The following NRAP variants were observed in gnomAD, a reference collection of about 807,000 sequenced individuals.
NRAP encodes the protein nebulin related anchoring protein.
Under a neutral mutation model 225.9 loss-of-function variants are expected in NRAP, and 189 were observed. The ratio of observed to expected loss-of-function variants is 0.84; its 90% CI spans 0.74 to 0.94. NRAP has a LOEUF of 0.94. Among genes scored for constraint, NRAP ranks in the 40% least tolerant of loss-of-function variants. NRAP has a pLI of 0.00. For missense variants in NRAP, 2,176 were observed against 2,168.7 expected (o/e 1.00, Z -0.07); for synonymous variants, 769 against 790.7 (o/e 0.97, Z 0.46).
At chr10:113,610,359 A>G in intron 31 of NRAP, 100 bp downstream of exon 31, 1 of 614,248 alleles carries the variant, frequency 1.6e-6, no homozygotes, top group Non-Finnish European at 2.8e-6. Flanking sequence ...CAAATTAAAA[A>G]AAAAAAAAAA....
At position 113,604,908 on chromosome 10, in the gene NRAP, G is replaced by A. The variant is rs759155879; in HGVS notation, c.3928C>T (p.His1310Tyr). 4 of 1,611,560 alleles carry A rather than the reference G, an allele frequency of 2.5e-6. No homozygotes were observed. The highest frequency in any genetic ancestry group is 2.5e-6 in the Non-Finnish European group (3 of 1,178,088). ...TTCCCTCGCTCCTTCACAAAGTCAT[G>A]TCTGTAGAGAAACTGCAAGAAAGGG... ...GDIASDFLYR[H>Y]DFVKERGKLI... Residue 1310 changes from histidine to tyrosine, a missense_variant, in exon 35 of 42, where the codon CAT becomes TAT. Around this residue, in one of 3 missense-constraint regions of NRAP, gnomAD observed 1,708 missense variants for 1,695.5 expected, o/e 1.01. Transcript: ENST00000359988.
At chr10:113,625,622 T>C (rs1848242479) in intron 21 of NRAP, among the ~76,000 whole-genome samples, 1 of 152,184 alleles carries the variant, frequency 6.6e-6, no homozygotes, top group Non-Finnish European at 1.5e-5. Flanking sequence ...GTAAATAATG[T>C]GTGTGGTGCT....
rs754141436 is a variant in NRAP at position 113,646,920 on chromosome 10, T to TA, written c.993+2dup. The TA allele has an allele frequency of 1.2e-6, 2 of 1,604,978 alleles. No homozygotes were observed. The highest frequency in any genetic ancestry group is 2.2e-5 in the South Asian group (2 of 90,908). ...TCTGTGGTCACACCTACATGGTACT[T>TA]ACGTCACTAGCGAGTTCGTGAGCTT... On this transcript the variant is annotated splice_region_variant and intron_variant, in intron 10 of 41. Coordinates refer to ENST00000359988, the MANE Select transcript of NRAP (RefSeq NM_198060.4).
At position 113,612,418 on chromosome 10, in the gene NRAP, T is replaced by C. The variant is rs145480099; in HGVS notation, c.3314A>G (p.Lys1105Arg). ...CTGCGCCTTTGAGTGTTCAAAGCCTTTCTTGTAATTCACCTAGAGGGGCAG... is the reference window on the plus strand; with the variant it reads ...CTGCGCCTTTGAGTGTTCAAAGCCTCTCTTGTAATTCACCTAGAGGGGCAG... ...TSLQSDVNYK[K>R]GFEHSKAQFH... The change falls in exon 30 of 42, where the codon AAA becomes AGA. Residue 1105 changes from lysine to arginine, a missense_variant. By Grantham distance (26) the Lys-to-Arg change is conservative. Around this residue, in one of 3 missense-constraint regions of NRAP, gnomAD observed 1,708 missense variants for 1,695.5 expected, o/e 1.01. Transcript: ENST00000359988. 2.2e-4 allele frequency: 352 copies of C among 1,613,868 alleles called. No homozygotes were observed. Among genetic ancestry groups the C allele is most frequent in the Non-Finnish European group, 2.8e-4 (334 of 1,179,930 alleles).
At chr10:113,593,231 A>C (rs1045849950) in intron 38 of NRAP, among the ~76,000 whole-genome samples, 4 of 152,122 alleles carry the variant, frequency 2.6e-5, no homozygotes, top group Non-Finnish European at 5.9e-5. Context: ...GAGCTACAGC[A>C]GGTCAGGGGG....
chr10:113,660,297 TACACACATATAGATGTGTGTGC>T (rs996082802), intron 3 of NRAP, among the ~76,000 whole-genome samples: 11 of 151,714 alleles, frequency 7.3e-5, no homozygotes, highest in African/African-American at 1.2e-4. Context: ...ACACATCACA[TACACACATATAGATGTGTGTGC>T]ACACACATTC....
chr10:113,654,071 G>A lies in NRAP; in HGVS notation c.415C>T (p.Pro139Ser), dbSNP rs1341131885. The change falls in exon 5 of 42, where the codon CCA becomes TCA. Residue 139 changes from proline to serine, a missense_variant. Pro to Ser is a moderately conservative substitution (Grantham distance 74). Transcript: ENST00000359988. ...EGNAWCPGAL[P>S]DPEIVRMVEA... ...ACCATCCTTACAATTTCGGGGTCTG[G>A]CAGAGCTCCTGGGCACCAAGCATTC... 1.2e-6 allele frequency: 2 copies of A among 1,613,636 alleles called. No homozygotes were observed. Among genetic ancestry groups the A allele is most frequent in the African/African-American group, 2.7e-5 (2 of 74,838 alleles).
At chr10:113,615,396 G>A (rs755580254) in intron 27 of NRAP, among the ~76,000 whole-genome samples, 39 of 152,192 alleles carry the variant, frequency 2.6e-4, no homozygotes, top group Non-Finnish European at 4.3e-4. Flanking sequence ...ATAGCCACTG[G>A]ATATACTCAG....
At chr10:113,589,404 G>C in intron 41 of NRAP, 2 of 576,426 alleles carry the variant, frequency 3.5e-6, no homozygotes. Context: ...GCCCTGGCCC[G>C]GGATTGATGT....
At chr10:113,650,223 G>T in intron 8 of NRAP, 82 bp from the exon 9 acceptor site, 1 of 935,500 alleles carries the variant, frequency 1.1e-6, no homozygotes, top group Non-Finnish European at 1.7e-6. Flanking sequence ...TGTCTTAATG[G>T]AATGTTCTTT....
chr10:113,610,713 AGCCAAC>A, intron 30 of NRAP, 150 bp from the exon 31 acceptor site: 2 of 569,182 alleles, frequency 3.5e-6, no homozygotes, highest in South Asian at 4.6e-5. Context: ...TATTAAACTC[AGCCAAC>A]GCACAAACAC....
In NRAP at chr10:113,589,667, T is replaced by A; in HGVS notation, c.5087A>T (p.Tyr1696Phe). The change falls in exon 41 of 42, where the codon TAC (tyrosine) becomes TTC (phenylalanine). Residue 1696 changes from tyrosine (Y) to phenylalanine (F), a missense_variant and splice_region_variant. Physicochemically the swap from Tyr to Phe is conservative, Grantham distance 22. Transcript: ENST00000359988. ...GTGGCTTTGCAGCTTGCTACTCACG[T>A]AAGCTCCCTGGAGACCCAGGCCCCT... The part of the protein sequence containing the change: ...NARGLGLQGA[Y>F]RGAEAVEAGD... The A allele has an allele frequency of 6.2e-7, 1 of 1,613,686 alleles. No homozygotes were observed. The highest frequency in any genetic ancestry group is 1.1e-5 in the South Asian group (1 of 90,996).
rs1850865012 is a variant in NRAP at position 113,664,018 on chromosome 10, T to A, written c.-136A>T. 5.9e-6 allele frequency: 4 copies of A among 673,116 alleles called. No homozygotes were observed. The highest frequency in any genetic ancestry group is 1.1e-5 in the Non-Finnish European group (4 of 376,994). 41.7% of individuals were successfully genotyped at this position (673,116 alleles called of 1,614,324 possible). A position where few individuals can be genotyped will look rare whatever the true frequency, so the allele number is the denominator to read the frequency against. ...CACCTCGATCTTTCAGAATCCAACT[T>A]CCACTTTCCTTTGCTGACCTTCTAG... On this transcript the variant is annotated 5_prime_UTR_variant, in exon 1 of 42. Transcript: ENST00000359988.
rs531274993 is a variant in NRAP at position 113,604,830 on chromosome 10, G to A, written c.4006C>T (p.Arg1336Cys). 2.8e-5 allele frequency: 45 copies of A among 1,614,192 alleles called. No homozygotes were observed. The highest frequency in any genetic ancestry group is 1.1e-4 in the East Asian group (5 of 44,880). Residue 1336 changes from arginine to cysteine, a missense_variant, in exon 35 of 42, where the codon CGC becomes TGC. Physicochemically the swap from Arg to Cys is radical, Grantham distance 180. Transcript: ENST00000359988. Reference sequence around the variant, plus strand: ...AGCTCGCTCTGCAGCTGGCCCATGCGCCGGCAGTGCTGGATCCGGGGGTCG... The same window carrying A: ...AGCTCGCTCTGCAGCTGGCCCATGCACCGGCAGTGCTGGATCCGGGGGTCG... ...RDDPRIQHCR[R>C]MGQLQSELQY...
intron 31 of NRAP, 102 bp downstream of exon 31, chr10:113,610,354 TAAA>T (rs35334254): frequency 9.3e-3 from 3,635 of 392,450 alleles, no homozygotes; most frequent in East Asian, 0.011. Flanking sequence ...CATCTCAAAT[TAAA>T]AAAAAAAAAA....
In NRAP at chr10:113,663,813, G is replaced by C; in HGVS notation, c.70C>G (p.Gln24Glu). The C allele has an allele frequency of 3.1e-6, 5 of 1,610,876 alleles. No homozygotes were observed. The highest frequency in any genetic ancestry group is 4.2e-6 in the Non-Finnish European group (5 of 1,177,130). ...AAAGCCAAGAAATGTCTACTGACCT[G>C]ATCTATACAGCTGATCTTCTCGGCA... ...YPAEKISCIDQIWHKACFHCE... is the reference protein window; with the variant it reads ...YPAEKISCIDEIWHKACFHCE... The change falls in exon 1 of 42, where the codon CAG (glutamine) becomes GAG (glutamate). Residue 24 changes from glutamine (Q) to glutamate (E), a missense_variant and splice_region_variant. Around this residue, in one of 3 missense-constraint regions of NRAP, gnomAD observed 1,708 missense variants for 1,695.5 expected, o/e 1.01. Coordinates refer to ENST00000359988, the MANE Select transcript of NRAP (RefSeq NM_198060.4).
At chr10:113,620,292 T>C (rs999973682) in intron 25 of NRAP, among the ~76,000 whole-genome samples, 4 of 152,208 alleles carry the variant, frequency 2.6e-5, no homozygotes, top group Admixed American at 2.0e-4. Context: ...GTGCCATAAA[T>C]GTATCTTTTC....
intron 9 of NRAP, among the ~76,000 whole-genome samples, 166 bp from the exon 10 acceptor site, chr10:113,647,193 C>T (rs1166140124): frequency 6.6e-6 from 1 of 152,126 alleles, no homozygotes; most frequent in Non-Finnish European, 1.5e-5. Context: ...ATGGCAGACC[C>T]TGGAGTCAGG....
rs1052147510 is a variant in NRAP at position 113,663,597 on chromosome 10, C to T, written c.73-151G>A. ...ACACACACAGCTATAACAACACTCACGGTTAAATAAATGGATAACTTTTTT... is the reference window on the plus strand; with the variant it reads ...ACACACACAGCTATAACAACACTCATGGTTAAATAAATGGATAACTTTTTT... On this transcript the variant is annotated intron_variant, in intron 1 of 41. Coordinates refer to ENST00000359988, the MANE Select transcript of NRAP (RefSeq NM_198060.4). The T allele has an allele frequency of 1.5e-4, 96 of 633,656 alleles. No homozygotes were observed. The East Asian group carries it at 2.2e-3, about 14-fold the overall frequency. 39.3% of individuals were successfully genotyped at this position (633,656 alleles called of 1,614,324 possible).
Sources: gnomAD v4.1 joint callset for allele counts (sites outside exome capture counted in the v4.1 genomes callset) on GRCh38, gnomAD v4.1.1 for gene constraint, gnomAD v4.1.1 regional missense constraint, MANE v1.5 for transcripts, NCBI Gene and HGNC (gene_info 2026-07-23, HGNC 2026-07-21) for gene names.